Variants in MAOB observed in about 807,000 individuals in gnomAD.
MAOB encodes monoamine oxidase B, also known as amine oxidase [flavin-containing] B.
In MAOB, 15 loss-of-function variants were observed where a neutral mutation model predicts 41.9. The ratio of observed to expected loss-of-function variants is 0.36; its 90% CI spans 0.24 to 0.55. The LOEUF (loss-of-function observed/expected upper bound fraction) is 0.55, where lower values mean the gene tolerates loss of function less well. Ranked by LOEUF, MAOB falls within the 20% of genes least tolerant of loss-of-function variation. MAOB has a pLI of 0.86. For missense variants in MAOB, 345 were observed against 398.7 expected (o/e 0.87, Z 1.15); for synonymous variants, 167 against 144.2 (o/e 1.16, Z -1.13).
chrX:43,867,217 C>T (rs1232397736), intron 1 of MAOB, among the ~76,000 whole-genome samples: 1 of 111,975 alleles, frequency 8.9e-6, no homozygotes, highest in Non-Finnish European at 1.9e-5. Context: ...TATGGTTCCA[C>T]TTCCTGAAAC....
chrX:43,778,885 G>A, intron 10 of MAOB, 146 bp from the exon 11 acceptor site: 1 of 466,860 alleles, frequency 2.1e-6, no homozygotes, highest in Non-Finnish European at 3.7e-6. Flanking sequence ...TTTAAAACAA[G>A]GCATTTTGTT....
At chrX:43,854,599 A>G (rs1360357250) in intron 1 of MAOB, among the ~76,000 whole-genome samples, 4 of 111,647 alleles carry the variant, frequency 3.6e-5, no homozygotes, top group Non-Finnish European at 5.6e-5. Flanking sequence ...TGATAGGTGC[A>G]GCAAGCCACC....
chrX:43,800,205 G>A (rs1157851719), intron 5 of MAOB, among the ~76,000 whole-genome samples: 10 of 111,018 alleles, frequency 9.0e-5, no homozygotes, highest in African/African-American at 2.3e-4. Flanking sequence ...CAAGGGCTAC[G>A]ATAGAAAATG....
intron 8 of MAOB, 103 bp from the exon 9 acceptor site, chrX:43,781,647 C>A: frequency 2.4e-6 from 1 of 413,096 alleles, no homozygotes; most frequent in Non-Finnish European, 4.1e-6. Flanking sequence ...GCCCAAAGGC[C>A]AAATAAAGCA....
intron 1 of MAOB, among the ~76,000 whole-genome samples, chrX:43,847,201 G>A (rs945871698): frequency 1.8e-5 from 2 of 110,707 alleles, no homozygotes; most frequent in Non-Finnish European, 3.8e-5. Context: ...AAAATTACCC[G>A]GGTGTGGTGG....
intron 8 of MAOB, among the ~76,000 whole-genome samples, chrX:43,783,293 C>T (rs2034359870): frequency 9.0e-6 from 1 of 111,639 alleles, no homozygotes; most frequent in South Asian, 3.7e-4. Flanking sequence ...AGTCCCAAAC[C>T]CTCATTTCAA....
At chrX:43,814,398 A>G (rs768576404) in intron 3 of MAOB, among the ~76,000 whole-genome samples, 7 of 112,002 alleles carry the variant, frequency 6.2e-5, no homozygotes, top group Admixed American at 9.4e-5. Context: ...ATTTTCTAAT[A>G]TCCATCAGCG....
chrX:43,807,303 T>C (rs913447157), intron 3 of MAOB, among the ~76,000 whole-genome samples: 15 of 112,035 alleles, frequency 1.3e-4, no homozygotes, highest in African/African-American at 4.5e-4. Context: ...AGTAAGACAG[T>C]TACTTAATCG....
At chrX:43,843,529 G>A (rs1445744764) in intron 2 of MAOB, 141 bp downstream of exon 2, 2 of 494,950 alleles carry the variant, frequency 4.0e-6, no homozygotes, top group Non-Finnish European at 6.5e-6. Context: ...AACTGGGAGA[G>A]AGGCTGTGAA....
At chrX:43,814,604 C>T (rs1051782118) in intron 3 of MAOB, among the ~76,000 whole-genome samples, 6 of 111,665 alleles carry the variant, frequency 5.4e-5, no homozygotes, top group African/African-American at 2.0e-4. Context: ...TATGTCTTCC[C>T]TCTCCAGCTA....
At chrX:43,866,208 C>T (rs143885983) in intron 1 of MAOB, among the ~76,000 whole-genome samples, 8 of 111,139 alleles carry the variant, frequency 7.2e-5, no homozygotes, top group East Asian at 2.8e-4. Context: ...CCAGGAGAAA[C>T]GTGTGAAAGG....
intron 1 of MAOB, among the ~76,000 whole-genome samples, chrX:43,851,767 C>T (rs1005116590): frequency 1.8e-5 from 2 of 111,557 alleles, no homozygotes; most frequent in African/African-American, 3.3e-5. Context: ...AAGGAGAAGA[C>T]AGATTAGGAA....
chrX:43,779,467 TGATA>T (rs760251522), intron 10 of MAOB, among the ~76,000 whole-genome samples: 3 of 112,189 alleles, frequency 2.7e-5, no homozygotes, highest in African/African-American at 9.7e-5. Flanking sequence ...TTTCTATGTA[TGATA>T]GATACTCAGA....
At chrX:43,791,628 G>T (rs775929304) in intron 8 of MAOB, among the ~76,000 whole-genome samples, 2 of 110,861 alleles carry the variant, frequency 1.8e-5, no homozygotes, top group Non-Finnish European at 3.8e-5. Flanking sequence ...AAGGTGGCAC[G>T]CACCTGTAAT....
At chrX:43,772,292 C>G (rs1278374085) in intron 12 of MAOB, among the ~76,000 whole-genome samples, 1 of 111,321 alleles carries the variant, frequency 9.0e-6, no homozygotes, top group Non-Finnish European at 1.9e-5. Flanking sequence ...GACATATATC[C>G]CTGGGAAGGA....
intron 1 of MAOB, among the ~76,000 whole-genome samples, chrX:43,859,309 CA>C (rs1365160191): frequency 1.8e-5 from 2 of 111,590 alleles, no homozygotes; most frequent in African/African-American, 6.5e-5. Flanking sequence ...TTTGCTTAAT[CA>C]TCATCAGAAA....
At chrX:43,870,186 C>T (rs980881023) in intron 1 of MAOB, among the ~76,000 whole-genome samples, 1 of 112,533 alleles carries the variant, frequency 8.9e-6, no homozygotes, top group African/African-American at 3.2e-5. Flanking sequence ...AGCGTCCAAA[C>T]TTCTGTATCC....
chrX:43,836,379 C>G (rs2035071926), intron 3 of MAOB, among the ~76,000 whole-genome samples: 2 of 112,324 alleles, frequency 1.8e-5, no homozygotes, highest in Non-Finnish European at 3.8e-5. Flanking sequence ...GCTATAAGGT[C>G]TTCGTCATTA....
intron 3 of MAOB, among the ~76,000 whole-genome samples, chrX:43,831,620 G>A (rs1185969971): frequency 9.1e-6 from 1 of 110,475 alleles, no homozygotes; most frequent in Non-Finnish European, 1.9e-5. Flanking sequence ...AAAGAACAAA[G>A]AGAAAATAAA....
Sources: allele counts gnomAD v4.1 joint callset (sites outside exome capture counted in the v4.1 genomes callset), GRCh38; gene constraint gnomAD v4.1.1; transcripts MANE v1.5; gene names NCBI Gene and HGNC (gene_info 2026-07-23, HGNC 2026-07-21).